The following PABIR3 variants were observed in gnomAD, a reference collection of about 807,000 sequenced individuals.
The protein encoded by PABIR3 is PABIR family member 3.
Under a neutral mutation model 23.1 loss-of-function variants are expected in PABIR3, and 20 were observed. The observed-to-expected ratio is 0.86, with a 90% confidence interval of 0.61 to 1.26. The LOEUF (loss-of-function observed/expected upper bound fraction) is 1.26. Among genes scored for constraint, PABIR3 ranks in the 50% most tolerant of loss-of-function variants. The pLI, the probability that PABIR3 is intolerant of heterozygous loss-of-function variation, is 0.00. For synonymous variants in PABIR3, 69 were observed against 68.5 expected, an observed-to-expected ratio of 1.01 and a Z score of -0.04; for missense variants, 189 against 195.4, an observed-to-expected ratio of 0.97 and a Z score of 0.20.
Position 134,842,072 on chromosome X carries a change from A to G in PABIR3, c.247-3133A>G, listed in dbSNP as rs1204160204. Among the ~76,000 whole-genome samples the G allele has an allele frequency of 3.6e-5, 4 of 111,480 alleles. No individual in the cohort carries two copies. The East Asian group carries it at 1.1e-3, about 32-fold the overall frequency. ...TTGTGGTTTTGGTTTGCATTTCCATAATGACAAATGATGTTGAGCATCTTT... is the reference window on the plus strand; with the variant it reads ...TTGTGGTTTTGGTTTGCATTTCCATGATGACAAATGATGTTGAGCATCTTT... On this transcript the variant is annotated intron_variant, in intron 4 of 10. Transcript: ENST00000645433.
chrX:134,809,460 T>C (rs779086265), intron 2 of PABIR3: 173 of 750,641 alleles, frequency 2.3e-4, no homozygotes, highest in Middle Eastern at 2.3e-3. Context: ...CCACTGCGCC[T>C]GGCCTAAATC....
chrX:134,864,386 T>C, the PABIR3 span, among the ~76,000 whole-genome samples: 1 of 111,701 alleles, frequency 9.0e-6, no homozygotes, highest in African/African-American at 3.3e-5. Flanking sequence ...ATTGCAGCCA[T>C]TTTAAGCTTA....
At chrX:134,809,793 GC>G in intron 2 of PABIR3, 1 of 752,770 alleles carries the variant, frequency 1.3e-6, no homozygotes, top group Non-Finnish European at 1.6e-6. Flanking sequence ...TACTGTTCTG[GC>G]CACTACTAAC....
intron 1 of PABIR3, chrX:134,799,720 T>C (rs753646977): frequency 8.9e-6 from 1 of 111,942 alleles, no homozygotes; most frequent in East Asian, 2.8e-4. Flanking sequence ...CCCAGCAATT[T>C]GGGAGGCCGA....
At chrX:134,864,762 G>A in the PABIR3 span, among the ~76,000 whole-genome samples, 1 of 112,016 alleles carries the variant, frequency 8.9e-6, no homozygotes, top group Non-Finnish European at 1.9e-5. Flanking sequence ...TAATAAAGCT[G>A]CTATCAACAT....
At chrX:134,821,634 T>C (rs186267891) in intron 3 of PABIR3, 1 of 1,109,115 alleles carries the variant, frequency 9.0e-7, no homozygotes, top group Admixed American at 2.7e-5. Flanking sequence ...CTGACATCTG[T>C]CTCATTAGGT....
chrX:134,840,675 G>A (rs1023658302), intron 4 of PABIR3, among the ~76,000 whole-genome samples: 1 of 110,936 alleles, frequency 9.0e-6, no homozygotes, highest in Non-Finnish European at 1.9e-5. Context: ...CCGGGGTCCT[G>A]ACAATGACGT....
intron 1 of PABIR3, among the ~76,000 whole-genome samples, chrX:134,802,125 C>T (rs2080083709): frequency 9.1e-6 from 1 of 109,556 alleles, no homozygotes; most frequent in African/African-American, 3.3e-5. Context: ...GCTTTGTCGC[C>T]CAGGCTGGAG....
chrX:134,818,725 A>G (rs1356354490), intron 3 of PABIR3, among the ~76,000 whole-genome samples: 1 of 110,596 alleles, frequency 9.0e-6, no homozygotes, highest in Non-Finnish European at 1.9e-5. Context: ...TGTAAAAGTA[A>G]CTGCTTTGTA....
intron 4 of PABIR3, chrX:134,833,269 A>G (rs2081870331): frequency 9.0e-6 from 1 of 111,544 alleles, no homozygotes; most frequent in Non-Finnish European, 1.9e-5. Flanking sequence ...ATCCTTTTTC[A>G]TCGATCTGCT....
Position 134,845,602 on chromosome X carries a change from G to A in PABIR3, c.345+201G>A, listed in dbSNP as rs182636430. Reference sequence around the variant, plus strand: ...AGGTCTCACTATGTTGTCCAGGCTGGTCTTGAACTCCTGAGCTCAATGGAT... The same window carrying A: ...AGGTCTCACTATGTTGTCCAGGCTGATCTTGAACTCCTGAGCTCAATGGAT... On this transcript the variant is annotated intron_variant, in intron 6 of 10. Coordinates refer to ENST00000645433, the MANE Select transcript of PABIR3 (RefSeq NM_001388447.1). Among the ~76,000 whole-genome samples, 148 of 111,115 alleles carry A rather than the reference G, an allele frequency of 1.3e-3. 2 individuals carry two copies. The highest frequency in any genetic ancestry group is 0.013 in the Admixed American group (131 of 10,389).
At chrX:134,847,534 A>G (rs2082475991) in intron 7 of PABIR3, 59 bp downstream of exon 7, 1 of 835,139 alleles carries the variant, frequency 1.2e-6, no homozygotes, top group African/African-American at 2.0e-5. Flanking sequence ...ATATTTAGGA[A>G]CATTAATGGT....
intron 9 of PABIR3, among the ~76,000 whole-genome samples, chrX:134,851,825 A>C (rs750261379): frequency 1.1e-4 from 12 of 111,744 alleles, no homozygotes; most frequent in Non-Finnish European, 1.9e-4. Context: ...TGGAAGGTCT[A>C]TGCAATATCT....
intron 3 of PABIR3, chrX:134,822,732 T>G: frequency 1.7e-6 from 1 of 589,405 alleles, no homozygotes; most frequent in Non-Finnish European, 2.0e-6. Context: ...TAAGAACTTA[T>G]GAACACAAGG....
intron 4 of PABIR3, among the ~76,000 whole-genome samples, chrX:134,841,678 A>C (rs2082238010): frequency 9.1e-6 from 1 of 109,401 alleles, no homozygotes; most frequent in African/African-American, 3.3e-5. Flanking sequence ...AAAATGCAAA[A>C]ATTAACTGGG....
intron 3 of PABIR3, among the ~76,000 whole-genome samples, chrX:134,824,807 AAAAAAAG>A (rs372147487): frequency 3.6e-5 from 4 of 111,784 alleles, no homozygotes; most frequent in African/African-American, 1.3e-4. Flanking sequence ...ATTCCTTCTC[AAAAAAAG>A]AAAAAAGAAA....
chrX:134,841,911 T>C (rs1432111527), intron 4 of PABIR3, among the ~76,000 whole-genome samples: 1 of 111,907 alleles, frequency 8.9e-6, no homozygotes, highest in Non-Finnish European at 1.9e-5. Context: ...CACTTAAACC[T>C]GGGAGGCAGA....
intron 4 of PABIR3, 73 bp from the exon 5 acceptor site, chrX:134,845,132 C>G (rs2082390424): frequency 1.2e-6 from 1 of 848,606 alleles, no homozygotes. Context: ...AATGGTGCAT[C>G]CAAATGAAAT....
Position 134,807,715 on chromosome X carries a change from CG to C in PABIR3, c.110+10del. 2.6e-6 allele frequency: 3 copies of C among 1,165,811 alleles called. No individual in the cohort carries two copies. On this transcript the variant is annotated splice_region_variant and intron_variant, in intron 2 of 10. Transcript: ENST00000645433. ...CTTTGATCAATGGACTTGGGTGAGC[CG>C]GGTTGAGATACTGGAGGAGGCAAGC... is the stretch of plus-strand genomic sequence containing the variant.
Sources: gnomAD v4.1 joint callset for allele counts (sites outside exome capture counted in the v4.1 genomes callset) on GRCh38, gnomAD v4.1.1 for gene constraint, MANE v1.5 for transcripts, NCBI Gene and HGNC (gene_info 2026-07-23, HGNC 2026-07-21) for gene names.